ALK: variants seen among roughly 807,000 people sequenced by gnomAD.
ALK encodes ALK receptor tyrosine kinase, also known as ALK tyrosine kinase receptor.
In ALK, 74 loss-of-function variants were observed where a neutral mutation model predicts 163.1. The ratio of observed to expected loss-of-function variants is 0.45; its 90% confidence interval spans 0.38 to 0.55. The LOEUF is 0.55. Ranked by LOEUF, ALK falls within the 20% of genes least tolerant of loss-of-function variation. ALK has a pLI of 0.00. For missense variants in ALK, 2,063 were observed against 2,105.3 expected (o/e 0.98, Z 0.39); for synonymous variants, 960 against 843.2 (o/e 1.14, Z -2.40).
At chr2:29,583,030 C>CTTTTTT (rs759185460) in intron 3 of ALK, among the ~76,000 whole-genome samples, 1 of 83,300 alleles carries the variant, frequency 1.2e-5, no homozygotes, top group Admixed American at 1.1e-4. Context: ...GCCTGGCTAA[C>CTTTTTT]TTTTGTTTTT....
chr2:29,388,653 C>T (rs1012212854), intron 4 of ALK, among the ~76,000 whole-genome samples: 20 of 152,170 alleles, frequency 1.3e-4, no homozygotes, highest in Admixed American at 2.6e-4. Context: ...TCTTAGCACA[C>T]GGTAGGAGCT....
At chr2:29,241,926 G>T (rs536729072) in intron 12 of ALK, among the ~76,000 whole-genome samples, 1 of 152,250 alleles carries the variant, frequency 6.6e-6, no homozygotes, top group South Asian at 2.1e-4. Context: ...CCTCTTAGAG[G>T]TCATTTCCTC....
intron 3 of ALK, among the ~76,000 whole-genome samples, chr2:29,599,612 G>A (rs1675319865): frequency 6.6e-6 from 1 of 152,336 alleles, no homozygotes; most frequent in Admixed American, 6.5e-5. Context: ...GGAAGAATTT[G>A]AACTTGAAGA....
intron 3 of ALK, among the ~76,000 whole-genome samples, chr2:29,686,688 C>A (rs1678250981): frequency 6.6e-6 from 1 of 152,152 alleles, no homozygotes; most frequent in Non-Finnish European, 1.5e-5. Context: ...GTGGGCAGAC[C>A]CATGAGGTTC....
chr2:29,366,842 G>A (rs1388252901), intron 5 of ALK, among the ~76,000 whole-genome samples: 3 of 152,224 alleles, frequency 2.0e-5, no homozygotes, highest in Non-Finnish European at 4.4e-5. Context: ...TAAGCTGTTT[G>A]CCATTGACGG....
chr2:29,270,055 CCTATTCA>C (rs1665340663), intron 11 of ALK, among the ~76,000 whole-genome samples: 2 of 151,848 alleles, frequency 1.3e-5, no homozygotes, highest in African/African-American at 4.8e-5. Flanking sequence ...CTCTTGAAGA[CCTATTCA>C]GTAATGAAAG....
intron 1 of ALK, among the ~76,000 whole-genome samples, chr2:29,789,281 T>G (rs531553586): frequency 3.3e-5 from 5 of 152,314 alleles, no homozygotes; most frequent in Middle Eastern, 3.4e-3. Context: ...GCACTGAGCT[T>G]ATGATGGAAA....
At position 29,194,854 on chromosome 2, in the gene ALK, G is replaced by C. The variant is rs112368767; in HGVS notation, c.4165-932C>G. On this transcript the variant is annotated intron_variant, in intron 28 of 28. Coordinates refer to ENST00000389048, the MANE Select transcript of ALK (RefSeq NM_004304.5). ...TTTGCACAACCCAGGAAATGCTGAA[G>C]TGCTGTGAGGAAAACCATTTACAAA... Among the ~76,000 whole-genome samples the C allele has an allele frequency of 4.4e-3, 665 of 152,202 alleles. 8 individuals carry two copies. Among genetic ancestry groups the C allele is most frequent in the African/African-American group, 0.015 (615 of 41,534 alleles).
intron 4 of ALK, among the ~76,000 whole-genome samples, chr2:29,415,658 G>C (rs1573334087): frequency 1.3e-5 from 2 of 152,182 alleles, no homozygotes; most frequent in East Asian, 3.9e-4. Flanking sequence ...CAGATGGCTG[G>C]TATAAATATT....
At chr2:29,770,207 G>T (rs72786258) in intron 1 of ALK, among the ~76,000 whole-genome samples, 6,785 of 149,574 alleles carry the variant, frequency 0.045, 205 homozygotes, top group East Asian at 0.11. Context: ...TATCCAAAAT[G>T]CCGAGATCTC....
At chr2:29,849,090 C>T (rs1665927934) in intron 1 of ALK, among the ~76,000 whole-genome samples, 1 of 152,170 alleles carries the variant, frequency 6.6e-6, no homozygotes. Context: ...TGCCCCCCAT[C>T]TCACAGGACC....
intron 1 of ALK, among the ~76,000 whole-genome samples, chr2:29,808,766 C>T (rs750442087): frequency 3.3e-5 from 5 of 152,164 alleles, no homozygotes; most frequent in Non-Finnish European, 5.9e-5. Flanking sequence ...AAGTGGAAAG[C>T]AAAAGTCCAT....
chr2:29,224,998 A>C (rs1434313949), intron 19 of ALK, among the ~76,000 whole-genome samples: 4 of 152,194 alleles, frequency 2.6e-5, no homozygotes, highest in Non-Finnish European at 5.9e-5. Flanking sequence ...CACAGGCTGA[A>C]CAGAAATATA....
chr2:29,368,772 C>T (rs1668572358), intron 5 of ALK, among the ~76,000 whole-genome samples: 1 of 152,238 alleles, frequency 6.6e-6, no homozygotes, highest in Non-Finnish European at 1.5e-5. Flanking sequence ...TGAGACTTGG[C>T]ATTTGTTTGG....
chr2:29,374,128 G>C (rs1180299734), intron 5 of ALK, among the ~76,000 whole-genome samples: 1 of 152,208 alleles, frequency 6.6e-6, no homozygotes, highest in Non-Finnish European at 1.5e-5. Context: ...GAATTATTCA[G>C]CTCTGGTTCC....
chr2:29,634,089 G>T (rs186015472), intron 3 of ALK, among the ~76,000 whole-genome samples: 1 of 151,062 alleles, frequency 6.6e-6, no homozygotes. Flanking sequence ...AGGTGTCCTG[G>T]CTATTCATGA....
At chr2:29,755,068 G>A (rs1000363036) in intron 1 of ALK, among the ~76,000 whole-genome samples, 1 of 83,268 alleles carries the variant, frequency 1.2e-5, no homozygotes, top group Non-Finnish European at 3.8e-5. Flanking sequence ...TTTTCCAACA[G>A]CAGCTTCTCT....
chr2:29,857,285 A>G (rs1310235430), intron 1 of ALK, among the ~76,000 whole-genome samples: 1 of 152,188 alleles, frequency 6.6e-6, no homozygotes, highest in African/African-American at 2.4e-5. Context: ...CTGCAACTTA[A>G]AAGATTCAGA....
At chr2:29,815,780 G>A (rs116115678) in intron 1 of ALK, among the ~76,000 whole-genome samples, 13 of 152,184 alleles carry the variant, frequency 8.5e-5, no homozygotes, top group East Asian at 5.8e-4. Flanking sequence ...TACCTGATGC[G>A]CCCCTGAGAC....
Sources: allele counts gnomAD v4.1 joint callset (sites outside exome capture counted in the v4.1 genomes callset), GRCh38; gene constraint gnomAD v4.1.1; transcripts MANE v1.5; gene names NCBI Gene and HGNC (gene_info 2026-07-23, HGNC 2026-07-21).